The following TRUB1 variants were observed in gnomAD, a reference collection of about 807,000 sequenced individuals.
TRUB1 encodes the protein pseudouridylate synthase TRUB1.
In TRUB1, 23 loss-of-function variants were observed where a neutral mutation model predicts 33.9. That is an observed-to-expected ratio of 0.68 (90% CI 0.49 to 0.96). TRUB1 has a LOEUF of 0.96. Among genes scored for constraint, TRUB1 ranks in the 40% least tolerant of loss-of-function variants. The probability of loss-of-function intolerance (pLI) is 0.00; values close to 1 mark genes in which losing one functional copy is unlikely to be tolerated. For synonymous variants in TRUB1, 163 were observed against 165.4 expected (o/e 0.99, Z 0.11); for missense variants, 378 against 422.2 (o/e 0.90, Z 0.92).
In TRUB1 at chr10:114,975,395, A is replaced by G. The variant is rs1391358274; in HGVS notation, c.*16A>G. ...GACGTGTTGAGATTGGCCTGGGAAT[A>G]TCATCATTTTCTAGTTGACATTTGA... On this transcript the variant is annotated 3_prime_UTR_variant, in exon 8 of 8. Transcript: ENST00000298746. The G allele has an allele frequency of 1.3e-6, 2 of 1,520,350 alleles. No homozygotes were observed. Among genetic ancestry groups the G allele is most frequent in the Non-Finnish European group, 1.8e-6 (2 of 1,132,874 alleles). The allele number at this position is 1,520,350 out of a possible 1,614,324, so 94.2% of individuals were successfully genotyped here.
intron 3 of TRUB1, among the ~76,000 whole-genome samples, chr10:114,956,923 A>G (rs560667271): frequency 1.3e-5 from 2 of 152,264 alleles, no homozygotes; most frequent in East Asian, 1.9e-4. Flanking sequence ...ATTTGATTTG[A>G]TTTGAGAATG....
In TRUB1 at chr10:114,938,490, G is replaced by GC; in HGVS notation, c.240dup (p.Thr81HisfsTer80). The GC allele has an allele frequency of 6.4e-7, 1 of 1,572,518 alleles. No individual in the cohort carries two copies. Among genetic ancestry groups the GC allele is most frequent in the South Asian group, 1.2e-5 (1 of 84,924 alleles). Reference sequence around the variant, plus strand: ...TGTTCGCCGTGCACAAGCCCAAAGGGCCCACTTCAGCCGAGCTGCTGAATC... The same window carrying GC: ...TGTTCGCCGTGCACAAGCCCAAAGGGCCCCACTTCAGCCGAGCTGCTGAATC... On this transcript the variant is annotated frameshift_variant, in exon 1 of 8. Coordinates refer to ENST00000298746, the MANE Select transcript of TRUB1 (RefSeq NM_139169.5). LOFTEE classifies it high-confidence loss of function.
At chr10:114,972,851 T>C (rs778958661) in intron 6 of TRUB1, among the ~76,000 whole-genome samples, 2 of 152,172 alleles carry the variant, frequency 1.3e-5, no homozygotes, top group Non-Finnish European at 2.9e-5. Context: ...TGAATTTTAA[T>C]TTCTAATATA....
intron 3 of TRUB1, 120 bp from the exon 4 acceptor site, chr10:114,959,606 T>C: frequency 1.4e-6 from 1 of 693,364 alleles, no homozygotes; most frequent in East Asian, 2.7e-5. Context: ...GTCTGTTGTT[T>C]TAGCCTGTAT....
chr10:114,973,721 C>T (rs2084346878), intron 6 of TRUB1, among the ~76,000 whole-genome samples: 1 of 152,172 alleles, frequency 6.6e-6, no homozygotes, highest in Admixed American at 6.6e-5. Context: ...AGTTCTGGGA[C>T]ATTGTGCAAT....
Position 114,959,778 on chromosome 10 carries a change from C to T in TRUB1, c.494C>T (p.Thr165Met), listed in dbSNP as rs761286273. ...LGKATDTLDS[T>M]GRVTEEKPYD... The stretch of plus-strand genomic sequence containing the variant: ...AAAGCTACTGATACACTAGATTCTA[C>T]GGGGAGGGTAACAGAAGAAAAACCT... The change falls in exon 4 of 8, where the codon ACG (threonine) becomes ATG (methionine). Residue 165 changes from threonine to methionine, a missense_variant. Transcript: ENST00000298746. 8.7e-6 allele frequency: 14 copies of T among 1,607,896 alleles called. No individual in the cohort carries two copies. Among genetic ancestry groups the T allele is most frequent in the South Asian group, 1.1e-5 (1 of 90,854 alleles).
At chr10:114,963,855 C>T (rs150248660) in intron 4 of TRUB1, among the ~76,000 whole-genome samples, 1,565 of 152,178 alleles carry the variant, frequency 0.01, 19 homozygotes, top group Middle Eastern at 0.058. Context: ...CACATACTCT[C>T]CCAGTTTGGG....
chr10:114,943,577 A>C (rs1439696871), intron 2 of TRUB1, among the ~76,000 whole-genome samples: 1 of 152,178 alleles, frequency 6.6e-6, no homozygotes, highest in Non-Finnish European at 1.5e-5. Flanking sequence ...TGAGTTTCTA[A>C]TGAGCTTCCC....
At position 114,972,226 on chromosome 10, in the gene TRUB1, G is replaced by C; in HGVS notation, c.688G>C (p.Val230Leu). The C allele has an allele frequency of 2.5e-6, 4 of 1,612,842 alleles. No homozygotes were observed. The highest frequency in any genetic ancestry group is 3.4e-6 in the Non-Finnish European group (4 of 1,179,604). ...VEAKPARPVTVYSISLQKFQP... is the reference protein window; with the variant it reads ...VEAKPARPVTLYSISLQKFQP... Reference sequence around the variant, plus strand: ...AGCAAAACCTGCCAGGCCAGTGACTGTATACAGTATCTCCCTTCAAAAATT... The same window carrying C: ...AGCAAAACCTGCCAGGCCAGTGACTCTATACAGTATCTCCCTTCAAAAATT... Residue 230 changes from valine (V) to leucine (L), a missense_variant, in exon 6 of 8, where the codon GTA (valine) becomes CTA (leucine). Val to Leu is a conservative substitution (Grantham distance 32). Transcript: ENST00000298746.
chr10:114,943,887 G>A (rs1006028849), intron 2 of TRUB1, among the ~76,000 whole-genome samples: 2 of 152,050 alleles, frequency 1.3e-5, no homozygotes, highest in Admixed American at 1.3e-4. Context: ...GGAAGCTTGA[G>A]AGTAAGTCAT....
At chr10:114,967,236 C>A (rs1443297251) in intron 4 of TRUB1, among the ~76,000 whole-genome samples, 2 of 152,130 alleles carry the variant, frequency 1.3e-5, no homozygotes, top group Non-Finnish European at 1.5e-5. Flanking sequence ...AAGAAAGCAC[C>A]TCCAGACAAA....
intron 4 of TRUB1, among the ~76,000 whole-genome samples, chr10:114,961,009 G>C (rs917895099): frequency 2.0e-5 from 3 of 152,084 alleles, no homozygotes; most frequent in African/African-American, 7.2e-5. Flanking sequence ...GGTACCACGT[G>C]GTGAAAAATA....
rs571096822 is a variant in TRUB1 at position 114,966,496 on chromosome 10, C to T, written c.524-3872C>T. 1.5e-4 allele frequency among the ~76,000 whole-genome samples: 23 copies of T among 152,252 alleles called. No homozygotes were observed. The South Asian group carries it at 4.8e-3, about 32-fold the overall frequency. On this transcript the variant is annotated intron_variant, in intron 4 of 7. Coordinates refer to ENST00000298746, the MANE Select transcript of TRUB1 (RefSeq NM_139169.5). ...ATTTCCATATGAATTTTTGAATCAG[C>T]TTGTCAATTTTTATGCACACACACA... is the stretch of plus-strand genomic sequence containing the variant.
rs375220059 is a variant in TRUB1, at chr10:114,976,896, C to T, written c.*1517C>T. On this transcript the variant is annotated 3_prime_UTR_variant, in exon 8 of 8. Coordinates refer to ENST00000298746, the MANE Select transcript of TRUB1 (RefSeq NM_139169.5). ...ATAAAATGAAAATTTACAGTTTTAC[C>T]TGTTCATATCTAGTGCCCCACAGTG... The T allele has an allele frequency of 6.6e-6, 1 of 152,038 alleles. No homozygotes were observed. Among genetic ancestry groups the T allele is most frequent in the South Asian group, 2.1e-4 (1 of 4,830 alleles). 9.4% of individuals were successfully genotyped at this position (152,038 alleles called of 1,614,324 possible).
intron 2 of TRUB1, among the ~76,000 whole-genome samples, chr10:114,943,925 G>A (rs754405142): frequency 7.9e-5 from 12 of 151,000 alleles, no homozygotes; most frequent in East Asian, 1.9e-4. Context: ...TTAGTTGACC[G>A]TTTTATTGCT....
chr10:114,970,190 A>G (rs961732931), intron 4 of TRUB1, among the ~76,000 whole-genome samples, 178 bp from the exon 5 acceptor site: 5 of 152,188 alleles, frequency 3.3e-5, no homozygotes, highest in Non-Finnish European at 5.9e-5. Context: ...TCCCTCTTTT[A>G]TCTTGTTAAT....
chr10:114,957,063 G>C (rs144613159), intron 3 of TRUB1, among the ~76,000 whole-genome samples: 1 of 152,326 alleles, frequency 6.6e-6, no homozygotes, highest in East Asian at 1.9e-4. Flanking sequence ...GAAATGTGAA[G>C]AATTGCACAC....
At position 114,977,544 on chromosome 10, in the gene TRUB1, A is replaced by T. The variant is rs2143045265; in HGVS notation, c.*2165A>T. The T allele has an allele frequency of 6.6e-6, 1 of 152,068 alleles. No homozygotes were observed. The highest frequency in any genetic ancestry group is 2.4e-5 in the African/African-American group (1 of 41,528). The allele number at this position is 152,068 out of a possible 1,614,324, so 9.4% of individuals were successfully genotyped here. On this transcript the variant is annotated 3_prime_UTR_variant, in exon 8 of 8. Transcript: ENST00000298746. ...TAACATTTTACAGTGTTACCATTTG[A>T]GTAGGGGTTTTATATGTTGTTGCTA... is the stretch of plus-strand genomic sequence containing the variant.
intron 4 of TRUB1, 77 bp downstream of exon 4, chr10:114,959,884 A>G (rs2084278058): frequency 1.2e-5 from 10 of 815,650 alleles, no homozygotes; most frequent in Non-Finnish European, 4.0e-6. Flanking sequence ...TTTAAAACAA[A>G]TCTCTGATAT....
Sources: gnomAD v4.1 joint callset for allele counts (sites outside exome capture counted in the v4.1 genomes callset) on GRCh38, gnomAD v4.1.1 for gene constraint, MANE v1.5 for transcripts, NCBI Gene and HGNC (gene_info 2026-07-23, HGNC 2026-07-21) for gene names.